Variants in STK35 observed in about 807,000 individuals in gnomAD.
STK35 encodes serine/threonine kinase 35, also known as serine/threonine-protein kinase 35.
Under a neutral mutation model 37.3 loss-of-function variants are expected in STK35, and 17 were observed. The ratio of observed to expected loss-of-function variants is 0.46; its 90% CI spans 0.31 to 0.68. The LOEUF (loss-of-function observed/expected upper bound fraction) is 0.68. Among genes scored for constraint, STK35 ranks in the 30% least tolerant of loss-of-function variants. The pLI is 0.05. For synonymous variants in STK35, 385 were observed against 319.1 expected (o/e 1.21, Z -2.20); for missense variants, 595 against 746.7 (o/e 0.80, Z 2.37).
chr20:2,127,384 G>GCATTA (rs1985924713), intron 3 of STK35, among the ~76,000 whole-genome samples: 1 of 152,002 alleles, frequency 6.6e-6, no homozygotes, highest in African/African-American at 2.4e-5. Context: ...GGTTGTATGG[G>GCATTA]CATTACCAGC....
rs146111628 is a variant in STK35, at chr20:2,115,347, G to A, written c.893-1319G>A. Among the ~76,000 whole-genome samples the A allele has an allele frequency of 4.8e-3, 737 of 152,134 alleles. 3 individuals are homozygous for A. The highest frequency in any genetic ancestry group is 0.017 in the African/African-American group (701 of 41,516). ...TAATAGAGTAAATGACTAGTAAAAG[G>A]AACCCTCTGCCAGAAGCTGTCTGAG... On this transcript the variant is annotated intron_variant, in intron 2 of 3. Transcript: ENST00000381482.
chr20:2,126,673 T>C (rs1321658246), intron 3 of STK35, among the ~76,000 whole-genome samples: 1 of 152,094 alleles, frequency 6.6e-6, no homozygotes, highest in Non-Finnish European at 1.5e-5. Flanking sequence ...TATTACAAAA[T>C]CAGAGGAAAT....
chr20:2,116,488 C>G (rs1985719037), intron 2 of STK35, among the ~76,000 whole-genome samples, 178 bp from the exon 3 acceptor site: 1 of 152,202 alleles, frequency 6.6e-6, no homozygotes, highest in African/African-American at 2.4e-5. Flanking sequence ...AGGTACCTGA[C>G]ACCAGTCCCT....
In STK35 at chr20:2,145,168, C is replaced by T. The variant is rs1056694125; in HGVS notation, c.*1422C>T. On this transcript the variant is annotated 3_prime_UTR_variant, in exon 4 of 4. Transcript: ENST00000381482. ...ACCTCCCTAGGGGAAGCTTCCCTCC[C>T]CCTGGGCTGCTGCTCTGAGCCCATC... 1 of 152,398 alleles carries T rather than the reference C, an allele frequency of 6.6e-6. No homozygotes were observed. The highest frequency in any genetic ancestry group is 1.5e-5 in the Non-Finnish European group (1 of 68,160). 9.4% of individuals were successfully genotyped at this position (152,398 alleles called of 1,614,324 possible). A position where few individuals can be genotyped will look rare whatever the true frequency, so the allele number is the denominator to read the frequency against.
intron 3 of STK35, among the ~76,000 whole-genome samples, chr20:2,122,301 C>T (rs1280849658): frequency 6.6e-6 from 1 of 152,086 alleles, no homozygotes; most frequent in Non-Finnish European, 1.5e-5. Flanking sequence ...CACTGCACTC[C>T]AGCCTGGGCG....
chr20:2,134,543 C>A (rs561456482), intron 3 of STK35, among the ~76,000 whole-genome samples: 2 of 152,300 alleles, frequency 1.3e-5, no homozygotes, highest in South Asian at 2.1e-4. Context: ...TCTCAGTATT[C>A]TTTGTGCCAT....
At chr20:2,103,788 T>A (rs1418600374) in intron 2 of STK35, among the ~76,000 whole-genome samples, 1 of 152,078 alleles carries the variant, frequency 6.6e-6, no homozygotes, top group African/African-American at 2.4e-5. Flanking sequence ...AAAACTTGAC[T>A]GGACCCACCC....
intron 3 of STK35, among the ~76,000 whole-genome samples, chr20:2,136,507 A>G (rs73577285): frequency 5.9e-5 from 9 of 152,350 alleles, no homozygotes; most frequent in African/African-American, 2.2e-4. Flanking sequence ...ATCACTGTCC[A>G]CACCTGGCTT....
At chr20:2,116,642 T>A in intron 2 of STK35, 24 bp from the exon 3 acceptor site, 3 of 1,599,258 alleles carry the variant, frequency 1.9e-6, no homozygotes, top group African/African-American at 2.7e-5. Context: ...TCACTCAAGC[T>A]CCTTCCTGTC....
At position 2,146,217 on chromosome 20, in the gene STK35, G is replaced by T. The variant is rs927740954; in HGVS notation, c.*2471G>T. 2.0e-5 allele frequency: 3 copies of T among 152,284 alleles called. No homozygotes were observed. The highest frequency in any genetic ancestry group is 2.0e-4 in the Admixed American group (3 of 15,280). 9.4% of individuals were successfully genotyped at this position (152,284 alleles called of 1,614,324 possible). On this transcript the variant is annotated 3_prime_UTR_variant, in exon 4 of 4. Transcript: ENST00000381482. ...CTTGCCCACCTCAGGCACTCAGCGG[G>T]CTCCGCCGTGGTGAGAGAACTGGCC... is the stretch of plus-strand genomic sequence containing the variant.
chr20:2,123,519 A>G (rs934765186), intron 3 of STK35, among the ~76,000 whole-genome samples: 1 of 152,182 alleles, frequency 6.6e-6, no homozygotes, highest in African/African-American at 2.4e-5. Flanking sequence ...CTGACAGGCA[A>G]GAGTATATTG....
rs1394148460 is a variant in STK35, at chr20:2,144,067, G to A, written c.*321G>A. 3.1e-5 allele frequency: 11 copies of A among 350,430 alleles called. No homozygotes were observed. The highest frequency in any genetic ancestry group is 5.4e-5 in the Non-Finnish European group (10 of 183,886). 21.7% of individuals were successfully genotyped at this position (350,430 alleles called of 1,614,324 possible). On this transcript the variant is annotated 3_prime_UTR_variant, in exon 4 of 4. Coordinates refer to ENST00000381482, the MANE Select transcript of STK35 (RefSeq NM_080836.4). ...CAATTTCTTTAAAGAAATTCAATGT[G>A]GGCAAGGCATATGTGTAAATTTCAC...
Position 2,103,070 on chromosome 20 carries a change from G to A in STK35, c.597G>A (p.Arg199=), listed in dbSNP as rs753278651. ...CTGAGGGCGGTGGCGGGTCCGCGCG[G>A]CCGCGTTACAGCCTGTTGGCGGAGA... ...RRPEGGGGSA[R]PRYSLLAEIG... Residue 199 remains arginine, a synonymous_variant, in exon 2 of 4, where the codon CGG becomes CGA. Transcript: ENST00000381482. The A allele has an allele frequency of 8.2e-6, 13 of 1,579,228 alleles. No individual in the cohort carries two copies. In the Admixed American group the frequency reaches 2.1e-4, roughly 25 times the overall value.
intron 3 of STK35, among the ~76,000 whole-genome samples, chr20:2,120,067 T>C (rs1270089529): frequency 2.0e-5 from 3 of 152,308 alleles, no homozygotes; most frequent in East Asian, 3.9e-4. Context: ...GGCTAGACAG[T>C]GTTTTAAATG....
rs1985469624 is a variant in STK35, at chr20:2,104,225, A to G, written c.892+860A>G. On this transcript the variant is annotated intron_variant, in intron 2 of 3. Transcript: ENST00000381482. ...AGTACTCACAAGCCTTTTTCATACT[A>G]CCAGTAGCTAAGTGTCTGCTTGGAG... Among the ~76,000 whole-genome samples, 3 of 152,100 alleles carry G rather than the reference A, an allele frequency of 2.0e-5. No individual in the cohort carries two copies. In the South Asian group the frequency reaches 6.2e-4, roughly 32 times the overall value.
intron 3 of STK35, among the ~76,000 whole-genome samples, chr20:2,123,407 TG>T (rs1985851954): frequency 6.6e-6 from 1 of 152,184 alleles, no homozygotes; most frequent in Non-Finnish European, 1.5e-5. Context: ...TGACCTGCGT[TG>T]GCCCCTTGAC....
At chr20:2,136,812 C>G (rs1019541171) in intron 3 of STK35, among the ~76,000 whole-genome samples, 17 of 152,214 alleles carry the variant, frequency 1.1e-4, no homozygotes, top group Admixed American at 1.1e-3. Flanking sequence ...AAGGTTGGAG[C>G]ACACGACAAG....
At chr20:2,115,499 C>T (rs531799329) in intron 2 of STK35, among the ~76,000 whole-genome samples, 6 of 152,172 alleles carry the variant, frequency 3.9e-5, no homozygotes, top group African/African-American at 1.4e-4. Context: ...CATTTGCAGG[C>T]CCAGCCTCTC....
intron 3 of STK35, among the ~76,000 whole-genome samples, chr20:2,121,521 CTG>C (rs755750231): frequency 2.6e-5 from 4 of 152,122 alleles, no homozygotes; most frequent in Non-Finnish European, 5.9e-5. Flanking sequence ...TTTTAGTTAT[CTG>C]AAAGTTTGGC....
Sources: allele counts gnomAD v4.1 joint callset (sites outside exome capture counted in the v4.1 genomes callset), GRCh38; gene constraint gnomAD v4.1.1; transcripts MANE v1.5; gene names NCBI Gene and HGNC (gene_info 2026-07-23, HGNC 2026-07-21).